Variants in ATP13A3 observed in about 807,000 individuals in gnomAD.
ATP13A3 encodes polyamine-transporting ATPase 13A3.
Under a neutral mutation model 158.1 loss-of-function variants are expected in ATP13A3, and 59 were observed. The ratio of observed to expected loss-of-function variants is 0.37; its 90% confidence interval spans 0.30 to 0.46. The LOEUF (loss-of-function observed/expected upper bound fraction) is 0.46, where lower values mean the gene tolerates loss of function less well. Among genes scored for constraint, ATP13A3 ranks in the 20% least tolerant of loss-of-function variants. The pLI is 1.00. For missense variants in ATP13A3, 1,166 were observed against 1,525.2 expected, an observed-to-expected ratio of 0.76 and a Z score of 3.92; for synonymous variants, 491 against 504.3, an observed-to-expected ratio of 0.97 and a Z score of 0.35.
intron 2 of ATP13A3, among the ~76,000 whole-genome samples, chr3:194,485,087 A>C (rs1720913940): frequency 6.6e-6 from 1 of 152,018 alleles, no homozygotes; most frequent in Non-Finnish European, 1.5e-5. Flanking sequence ...AAAGCAACCA[A>C]ATAGTGTCAC....
In ATP13A3 at chr3:194,448,052, A is replaced by C; in HGVS notation, c.1151-43T>G. On this transcript the variant is annotated intron_variant, in intron 12 of 33. Coordinates refer to ENST00000645319, the MANE Select transcript of ATP13A3 (RefSeq NM_001367549.1). The surrounding 1 kb of genome is among the most constrained non-coding windows in gnomAD (Gnocchi z 4.0). ...CAATTATTGATATTTTTATAAGAAA[A>C]TGAGAATTATCTCCCAAAACAGAAT... 1 of 1,508,008 alleles carries C rather than the reference A, an allele frequency of 6.6e-7. No homozygotes were observed. The highest frequency in any genetic ancestry group is 9.1e-7 in the Non-Finnish European group (1 of 1,097,704). The allele number at this position is 1,508,008 out of a possible 1,614,324, so 93.4% of individuals were successfully genotyped here. A position where few individuals can be genotyped will look rare whatever the true frequency, so the allele number is the denominator to read the frequency against.
chr3:194,470,860 G>C (rs572562247), intron 2 of ATP13A3, among the ~76,000 whole-genome samples: 3 of 152,294 alleles, frequency 2.0e-5, no homozygotes, highest in Non-Finnish European at 4.4e-5. Flanking sequence ...ACAGGAAACA[G>C]TGATAAGTCC....
At chr3:194,427,306 T>C in intron 28 of ATP13A3, 54 bp from the exon 29 acceptor site, 2 of 1,449,592 alleles carry the variant, frequency 1.4e-6, no homozygotes, top group South Asian at 1.3e-5. Context: ...TCTATCACTA[T>C]ATAAGGCATA....
At chr3:194,479,046 C>T (rs114936127) in intron 2 of ATP13A3, among the ~76,000 whole-genome samples, 4,563 of 152,164 alleles carry the variant, frequency 0.03, 216 homozygotes, top group African/African-American at 0.1. Context: ...ATTAAGGGAA[C>T]ATGAAGAATA....
intron 10 of ATP13A3, among the ~76,000 whole-genome samples, chr3:194,453,442 T>C (rs1396910547): frequency 5.0e-5 from 7 of 138,642 alleles, no homozygotes; most frequent in African/African-American, 8.2e-5. Context: ...AAAAAAAAAA[T>C]AGAAAAATTA....
chr3:194,460,256 T>G (rs770348933), intron 4 of ATP13A3, among the ~76,000 whole-genome samples: 4 of 152,160 alleles, frequency 2.6e-5, no homozygotes, highest in Non-Finnish European at 5.9e-5. Flanking sequence ...TTGGACTAAA[T>G]ATTAAAACCT....
chr3:194,462,038 G>T, intron 3 of ATP13A3, 102 bp downstream of exon 3: 1 of 1,101,424 alleles, frequency 9.1e-7, no homozygotes, highest in Non-Finnish European at 1.4e-6. Context: ...TGAGTTAGCT[G>T]CTGCCGCCAC....
At chr3:194,415,669 T>TTC (rs1715792879) in intron 31 of ATP13A3, among the ~76,000 whole-genome samples, 2 of 136,016 alleles carry the variant, frequency 1.5e-5, no homozygotes, top group Admixed American at 7.2e-5. Flanking sequence ...TTCTTTTTTT[T>TTC]TTTTTTTTTT....
Position 194,441,452 on chromosome 3 carries a change from T to G in ATP13A3, c.1569A>C (p.Ser523=). Residue 523 remains serine (S), a synonymous_variant, in exon 16 of 34, where the codon TCA becomes TCC. Transcript: ENST00000645319. Reference sequence around the variant, plus strand: ...TCTCATTGCACACATTTTCTTCTGGTGAAAGAAATCTAAGCAGAAGACACA... The same window carrying G: ...TCTCATTGCACACATTTTCTTCTGGGGAAAGAAATCTAAGCAGAAGACACA... ...IQRVENARFL[S]PEENVCNEML... The G allele has an allele frequency of 6.2e-7, 1 of 1,612,714 alleles. No individual in the cohort carries two copies. Among genetic ancestry groups the G allele is most frequent in the Non-Finnish European group, 8.5e-7 (1 of 1,179,020 alleles).
rs1205801837 is a variant in ATP13A3, at chr3:194,403,945, T to C, written c.*1974A>G. ...GGGGGGGGTGTCAAAAATAGCTCTT[T>C]ATGATCATGCTCTTAAAGATGTTAA... On this transcript the variant is annotated 3_prime_UTR_variant, in exon 34 of 34. Coordinates refer to ENST00000645319, the MANE Select transcript of ATP13A3 (RefSeq NM_001367549.1). 1.2e-5 allele frequency: 4 copies of C among 336,292 alleles called. No homozygotes were observed. The highest frequency in any genetic ancestry group is 2.3e-5 in the Non-Finnish European group (4 of 173,276). 20.8% of individuals were successfully genotyped at this position (336,292 alleles called of 1,614,324 possible). A position where few individuals can be genotyped will look rare whatever the true frequency, so the allele number is the denominator to read the frequency against.
intron 33 of ATP13A3, among the ~76,000 whole-genome samples, chr3:194,408,394 T>A (rs113836617): frequency 2.6e-5 from 4 of 152,126 alleles, no homozygotes; most frequent in East Asian, 1.9e-4. Flanking sequence ...TGACTTTTTT[T>A]AAAAAAGCAG....
In ATP13A3 at chr3:194,426,633, G is replaced by C. The variant is rs114654971; in HGVS notation, c.3125+442C>G. Among the ~76,000 whole-genome samples the C allele has an allele frequency of 2.6e-3, 389 of 152,282 alleles. 1 individual carries two copies. Among genetic ancestry groups the C allele is most frequent in the African/African-American group, 8.7e-3 (360 of 41,562 alleles). ...GATTTTGCCTGAACATCTTCCCAAA[G>C]ACAGGCGTGACCGTGATATACAGGC... On this transcript the variant is annotated intron_variant, in intron 29 of 33. Coordinates refer to ENST00000645319, the MANE Select transcript of ATP13A3 (RefSeq NM_001367549.1).
At chr3:194,434,162 C>G (rs1577051681) in intron 20 of ATP13A3, among the ~76,000 whole-genome samples, 1 of 152,214 alleles carries the variant, frequency 6.6e-6, no homozygotes, top group East Asian at 1.9e-4. Flanking sequence ...TGTGTAGTAT[C>G]CAAAAATAAG....
intron 11 of ATP13A3, among the ~76,000 whole-genome samples, chr3:194,449,088 CACAG>C (rs1454940420): frequency 1.0e-4 from 14 of 135,848 alleles, no homozygotes; most frequent in African/African-American, 4.1e-4. Context: ...CACACACACA[CACAG>C]AACAGAAAAG....
chr3:194,455,922 G>T lies in ATP13A3; in HGVS notation c.601C>A (p.Pro201Thr). 6.4e-7 allele frequency: 1 copy of T among 1,552,482 alleles called. No individual in the cohort carries two copies. Among genetic ancestry groups the T allele is most frequent in the Non-Finnish European group, 8.8e-7 (1 of 1,141,910 alleles). ...TTAATTAGAAGCTTAAAAACAGAAG[G>T]CACTTTTACAGCAATTTCATTTACT... is the stretch of plus-strand genomic sequence containing the variant. ...YGVNEIAVKV[P>T]SVFKLLIKEV... Residue 201 changes from proline to threonine, a missense_variant, in exon 8 of 34, where the codon CCT (proline) becomes ACT (threonine). Transcript: ENST00000645319.
In ATP13A3 at chr3:194,437,298, G is replaced by T. The variant is rs752931048; in HGVS notation, c.1999+13C>A. On this transcript the variant is annotated intron_variant, in intron 19 of 33. Transcript: ENST00000645319. ...ATACCAGAATTGTACCCAAAGCATA[G>T]ATATTTCCTTACCTGTTTCAGGTTT... 6.2e-7 allele frequency: 1 copy of T among 1,614,058 alleles called. No individual in the cohort carries two copies. The highest frequency in any genetic ancestry group is 8.5e-7 in the Non-Finnish European group (1 of 1,180,038).
rs1228324032 is a variant in ATP13A3, at chr3:194,460,837, T to G, written c.52-6A>C. On this transcript the variant is annotated splice_region_variant and splice_polypyrimidine_tract_variant and intron_variant, in intron 3 of 33. Coordinates refer to ENST00000645319, the MANE Select transcript of ATP13A3 (RefSeq NM_001367549.1). ...AAATTGTAACCATAAATCTCCTGCA[T>G]GGACACAGCGATCACATGATTAATT... The G allele has an allele frequency of 1.2e-6, 2 of 1,611,632 alleles. No individual in the cohort carries two copies. Among genetic ancestry groups the G allele is most frequent in the Admixed American group, 3.4e-5 (2 of 59,612 alleles).
At chr3:194,417,492 G>A (rs1577029909) in intron 31 of ATP13A3, among the ~76,000 whole-genome samples, 1 of 150,618 alleles carries the variant, frequency 6.6e-6, no homozygotes. Flanking sequence ...AGGTCATGAT[G>A]AACAACAATG....
chr3:194,433,670 T>C lies in ATP13A3; in HGVS notation c.2245+102A>G, dbSNP rs1248332204. 3.5e-6 allele frequency: 5 copies of C among 1,433,846 alleles called. No individual in the cohort carries two copies. In the African/African-American group the frequency reaches 4.3e-5, roughly 12 times the overall value. 88.8% of individuals were successfully genotyped at this position (1,433,846 alleles called of 1,614,324 possible). A position where few individuals can be genotyped will look rare whatever the true frequency, so the allele number is the denominator to read the frequency against. On this transcript the variant is annotated intron_variant, in intron 21 of 33. Transcript: ENST00000645319. ...AAGAGAACTTAGGTTGAAACCACTA[T>C]AGACTATATAATATGATTTTATAAC...
Sources: allele counts gnomAD v4.1 joint callset (sites outside exome capture counted in the v4.1 genomes callset), GRCh38; gene constraint gnomAD v4.1.1; non-coding constraint Gnocchi (gnomAD v3.1); transcripts MANE v1.5; gene names NCBI Gene and HGNC (gene_info 2026-07-23, HGNC 2026-07-21).